CEP57L1: variants seen among roughly 807,000 people sequenced by gnomAD.
The protein encoded by CEP57L1 is centrosomal protein CEP57L1.
In CEP57L1, 37 loss-of-function variants were observed where a neutral mutation model predicts 61.0. The ratio of observed to expected loss-of-function variants is 0.61; its 90% CI spans 0.47 to 0.80. CEP57L1 has a LOEUF of 0.80. CEP57L1 is among the 30% of genes least tolerant of loss of function. The probability of loss-of-function intolerance (pLI) is 0.00; values close to 1 mark genes in which losing one functional copy is unlikely to be tolerated. For missense variants in CEP57L1, 422 were observed against 524.7 expected, an observed-to-expected ratio of 0.80 and a Z score of 1.91; for synonymous variants, 137 against 162.3, an observed-to-expected ratio of 0.84 and a Z score of 1.19.
intron 1 of CEP57L1, among the ~76,000 whole-genome samples, chr6:109,132,682 A>G (rs1774324827): frequency 6.6e-6 from 1 of 152,214 alleles, no homozygotes; most frequent in African/African-American, 2.4e-5. Context: ...ATTTTATTCC[A>G]TAATACTAAA....
At chr6:109,127,039 G>A (rs1386292612) in intron 1 of CEP57L1, among the ~76,000 whole-genome samples, 2 of 152,064 alleles carry the variant, frequency 1.3e-5, no homozygotes, top group Admixed American at 6.6e-5. Flanking sequence ...GGTGGCGCAC[G>A]CCTGTAGTCT....
Position 109,131,405 on chromosome 6 carries a change from TA to T in CEP57L1, c.-3-13812del, listed in dbSNP as rs568181869. ...ACTCTCTAGTTAATAACTAACCAGA[TA>T]ATATTCATTTTACTGTAATTGAAGA... On this transcript the variant is annotated intron_variant, in intron 1 of 10. Coordinates refer to ENST00000517392, the MANE Select transcript of CEP57L1 (RefSeq NM_001271852.3). Among the ~76,000 whole-genome samples, 439 of 152,282 alleles carry T rather than the reference TA, an allele frequency of 2.9e-3. 2 individuals carry two copies. Among genetic ancestry groups the T allele is most frequent in the African/African-American group, 9.9e-3 (410 of 41,572 alleles).
Position 109,122,530 on chromosome 6 carries a change from C to T in CEP57L1, c.-3-22689C>T, listed in dbSNP as rs144770653. Among the ~76,000 whole-genome samples the T allele has an allele frequency of 2.3e-3, 344 of 152,074 alleles. 2 individuals carry two copies. Among genetic ancestry groups the T allele is most frequent in the African/African-American group, 8.0e-3 (330 of 41,484 alleles). On this transcript the variant is annotated intron_variant, in intron 1 of 10. Coordinates refer to ENST00000517392, the MANE Select transcript of CEP57L1 (RefSeq NM_001271852.3). ...CAAAGACTCATCAGAGGGCCAGGTG[C>T]GGTGGCTCATGGCTGTAATCCCAGT... is the stretch of plus-strand genomic sequence containing the variant.
intron 1 of CEP57L1, among the ~76,000 whole-genome samples, chr6:109,110,408 T>A (rs868783064): frequency 2.6e-5 from 4 of 152,220 alleles, no homozygotes; most frequent in African/African-American, 7.2e-5. Context: ...TTCTTGTAAA[T>A]CTAAGTTCTT....
intron 1 of CEP57L1, among the ~76,000 whole-genome samples, chr6:109,135,055 A>C (rs1276737210): frequency 6.6e-6 from 1 of 151,976 alleles, no homozygotes; most frequent in African/African-American, 2.4e-5. Context: ...CAGAATTGGA[A>C]AAAACTACTT....
rs150875878 is a variant in CEP57L1, at chr6:109,170,673, T to G, written c.*7703T>G. Among the ~76,000 whole-genome samples the G allele has an allele frequency of 1.3e-5, 2 of 152,334 alleles. No homozygotes were observed. The highest frequency in any genetic ancestry group is 3.9e-4 in the East Asian group (2 of 5,184). On this transcript the variant is annotated 3_prime_UTR_variant, in exon 11 of 11. Coordinates refer to ENST00000517392, the MANE Select transcript of CEP57L1 (RefSeq NM_001271852.3). ...AGGAAACCCACTTAAAATTAAATTT[T>G]AAAAAGCTCTCGAGAAGTCTGTGGA...
chr6:109,116,399 A>G (rs1772309262), intron 1 of CEP57L1, among the ~76,000 whole-genome samples: 1 of 151,992 alleles, frequency 6.6e-6, no homozygotes, highest in Non-Finnish European at 1.5e-5. Context: ...CTGGTGTCAA[A>G]CTCCCTACCT....
At chr6:109,105,738 C>G (rs1278060190) in intron 1 of CEP57L1, among the ~76,000 whole-genome samples, 2 of 152,248 alleles carry the variant, frequency 1.3e-5, no homozygotes, top group East Asian at 3.9e-4. Context: ...GATAGATTAT[C>G]TAGATTAGGG....
intron 1 of CEP57L1, among the ~76,000 whole-genome samples, chr6:109,127,186 A>C (rs771123734): frequency 1.3e-5 from 2 of 152,088 alleles, no homozygotes; most frequent in Non-Finnish European, 2.9e-5. Context: ...AACAAAAAAA[A>C]CCAAAAACTG....
intron 1 of CEP57L1, among the ~76,000 whole-genome samples, chr6:109,126,329 G>A (rs1208829947): frequency 6.6e-6 from 1 of 152,070 alleles, no homozygotes; most frequent in African/African-American, 2.4e-5. Context: ...TACCTCTTTG[G>A]AAGTCTAATT....
intron 1 of CEP57L1, among the ~76,000 whole-genome samples, chr6:109,134,694 T>C (rs1254192028): frequency 6.6e-6 from 1 of 152,202 alleles, no homozygotes; most frequent in East Asian, 1.9e-4. Flanking sequence ...CTCCTTAAGC[T>C]GATAAGCAAC....
intron 1 of CEP57L1, among the ~76,000 whole-genome samples, chr6:109,109,415 A>G (rs1343537346): frequency 6.6e-6 from 1 of 152,184 alleles, no homozygotes; most frequent in Admixed American, 6.6e-5. Flanking sequence ...TAATTTAGGG[A>G]GTAATTTCAA....
rs990999401 is a variant in CEP57L1 at position 109,173,060 on chromosome 6, A to G, written c.*10090A>G. ...TGATGGTTACAAAAGTGATTTGTTA[A>G]TTATTGCCTGGTAGGAAGGAGAACA... On this transcript the variant is annotated 3_prime_UTR_variant, in exon 11 of 11. Coordinates refer to ENST00000517392, the MANE Select transcript of CEP57L1 (RefSeq NM_001271852.3). 3.3e-5 allele frequency among the ~76,000 whole-genome samples: 5 copies of G among 152,326 alleles called. No individual in the cohort carries two copies. The highest frequency in any genetic ancestry group is 1.9e-4 in the East Asian group (1 of 5,178).
intron 1 of CEP57L1, among the ~76,000 whole-genome samples, chr6:109,096,946 C>T (rs1007173971): frequency 2.0e-5 from 3 of 152,186 alleles, no homozygotes; most frequent in Non-Finnish European, 2.9e-5. Flanking sequence ...CTCCATTCAG[C>T]TTCACCTCTC....
Position 109,137,006 on chromosome 6 carries a change from G to A in CEP57L1, c.-3-8213G>A, listed in dbSNP as rs1015294491. 1.7e-4 allele frequency among the ~76,000 whole-genome samples: 26 copies of A among 152,016 alleles called. 1 individual carries two copies. The highest frequency in any genetic ancestry group is 5.6e-4 in the African/African-American group (23 of 41,424). On this transcript the variant is annotated intron_variant, in intron 1 of 10. Transcript: ENST00000517392. ...GGTCTCAAGCAATCCGCCCACCTCC[G>A]CCTCCCAAAGTGCAGGGATTATAGG...
chr6:109,156,871 A>G (rs1773268993), intron 7 of CEP57L1: 2 of 152,158 alleles, frequency 1.3e-5, no homozygotes, highest in Admixed American at 1.3e-4. Flanking sequence ...TATTTCCCCA[A>G]TATGACTTAT....
At chr6:109,154,075 GAT>G in intron 5 of CEP57L1, 126 bp downstream of exon 5, 1 of 621,322 alleles carries the variant, frequency 1.6e-6, no homozygotes, top group Non-Finnish European at 2.8e-6. Context: ...TTATAATCCA[GAT>G]ATGAATTCTC....
At position 109,159,433 on chromosome 6, in the gene CEP57L1, A is replaced by G; in HGVS notation, c.987A>G (p.Ala329=). 6.2e-7 allele frequency: 1 copy of G among 1,613,838 alleles called. No homozygotes were observed. Among genetic ancestry groups the G allele is most frequent in the Non-Finnish European group, 8.5e-7 (1 of 1,179,812 alleles). ...ICDNLSELLM[A]MQDELDQMSM... is the part of the protein sequence containing the mutation. ...ACAATTTATCTGAACTTTTGATGGC[A>G]ATGCAAGATGAGCTGGACCAAATGA... The change falls in exon 9 of 11, where the codon GCA becomes GCG. Residue 329 remains alanine (A), a synonymous_variant. Coordinates refer to ENST00000517392, the MANE Select transcript of CEP57L1 (RefSeq NM_001271852.3).
At chr6:109,145,455 A>G (rs1771863831) in intron 2 of CEP57L1, 74 bp downstream of exon 2, 3 of 964,736 alleles carry the variant, frequency 3.1e-6, no homozygotes, top group Non-Finnish European at 4.5e-6. Context: ...GTGGAATACA[A>G]TATGATTGCA....
Sources: gnomAD v4.1 joint callset for allele counts (sites outside exome capture counted in the v4.1 genomes callset) on GRCh38, gnomAD v4.1.1 for gene constraint, MANE v1.5 for transcripts, NCBI Gene and HGNC (gene_info 2026-07-23, HGNC 2026-07-21) for gene names.